Variants in CWF19L2 observed in about 807,000 individuals in gnomAD.
The protein encoded by CWF19L2 is CWF19 like cell cycle control factor 2.
CWF19L2 carries 98 observed loss-of-function variants against 111.7 expected under a neutral mutation model. The observed-to-expected ratio is 0.88, with a 90% CI of 0.75 to 1.04. The LOEUF (loss-of-function observed/expected upper bound fraction) is 1.04. Ranked by LOEUF, CWF19L2 falls within the 50% of genes least tolerant of loss-of-function variation. The pLI, the probability that CWF19L2 is intolerant of heterozygous loss-of-function variation, is 0.00. For missense variants in CWF19L2, 1,101 were observed against 1,051.4 expected (o/e 1.05, Z -0.65); for synonymous variants, 351 against 342.9 (o/e 1.02, Z -0.26).
chr11:107,424,695 T>C (rs915249767), intron 8 of CWF19L2, among the ~76,000 whole-genome samples: 5 of 151,866 alleles, frequency 3.3e-5, no homozygotes, highest in Non-Finnish European at 7.4e-5. Context: ...TGAAATGGAA[T>C]GCTCCACACA....
intron 14 of CWF19L2, among the ~76,000 whole-genome samples, chr11:107,347,366 A>G (rs557760221): frequency 6.5e-4 from 99 of 152,208 alleles, no homozygotes; most frequent in Non-Finnish European, 1.1e-3. Context: ...AAAAGAGGTG[A>G]ATAATCAAAG....
intron 12 of CWF19L2, among the ~76,000 whole-genome samples, chr11:107,388,014 T>C (rs1355526554): frequency 1.3e-5 from 2 of 152,166 alleles, no homozygotes; most frequent in South Asian, 2.1e-4. Flanking sequence ...TTCAAGCTTG[T>C]CTCTGCTTCA....
intron 14 of CWF19L2, among the ~76,000 whole-genome samples, chr11:107,341,212 T>A (rs1289399056): frequency 6.6e-6 from 1 of 152,232 alleles, no homozygotes; most frequent in African/African-American, 2.4e-5. Context: ...TGAAGTGCCA[T>A]CTGGTGTTCC....
intron 12 of CWF19L2, among the ~76,000 whole-genome samples, chr11:107,355,833 G>A (rs1348070020): frequency 6.6e-6 from 1 of 152,146 alleles, no homozygotes; most frequent in Admixed American, 6.5e-5. Context: ...AGCACAAACA[G>A]AAAAGCAATA....
chr11:107,392,057 C>G (rs189868933), intron 11 of CWF19L2, among the ~76,000 whole-genome samples: 43 of 152,172 alleles, frequency 2.8e-4, no homozygotes, highest in African/African-American at 9.9e-4. Context: ...CCTCTCCAAC[C>G]ACCAAATTCC....
chr11:107,403,179 C>T (rs7358411), intron 10 of CWF19L2, among the ~76,000 whole-genome samples: 2 of 150,760 alleles, frequency 1.3e-5, no homozygotes, highest in Admixed American at 1.3e-4. Context: ...GATGGGTGCA[C>T]AAAATCTCAC....
chr11:107,390,349 G>A, intron 11 of CWF19L2, 138 bp from the exon 12 acceptor site: 4 of 715,410 alleles, frequency 5.6e-6, no homozygotes, highest in Non-Finnish European at 8.8e-6. Context: ...TTTATCCCTA[G>A]TCTGCCAGTT....
At chr11:107,376,100 G>T (rs373290391) in intron 12 of CWF19L2, among the ~76,000 whole-genome samples, 8 of 128,362 alleles carry the variant, frequency 6.2e-5, no homozygotes, top group Admixed American at 1.5e-4. Flanking sequence ...AATAACAGGA[G>T]CTGAAATTGT....
At chr11:107,438,821 G>A (rs1304195782) in intron 6 of CWF19L2, among the ~76,000 whole-genome samples, 1 of 152,132 alleles carries the variant, frequency 6.6e-6, no homozygotes, top group Non-Finnish European at 1.5e-5. Flanking sequence ...AAGGCAGTTA[G>A]GTCAAGGCTT....
intron 5 of CWF19L2, 117 bp downstream of exon 5, chr11:107,441,386 A>G (rs1373410208): frequency 4.6e-6 from 4 of 869,458 alleles, no homozygotes; most frequent in Middle Eastern, 3.6e-4. Context: ...CACTAATTGT[A>G]TTAAATACTA....
rs12285525 is a variant in CWF19L2 at position 107,340,322 on chromosome 11, G to A, written c.2203-3609C>T. ...ACTTTACACTGGAGGGCTGTGTGCC[G>A]TTTTGAGTTAATATTTATATAAGGT... On this transcript the variant is annotated intron_variant, in intron 14 of 17. Transcript: ENST00000282251. 4.5e-3 allele frequency among the ~76,000 whole-genome samples: 680 copies of A among 152,178 alleles called. 2 individuals are homozygous for A. Among genetic ancestry groups the A allele is most frequent in the African/African-American group, 0.014 (595 of 41,524 alleles).
intron 14 of CWF19L2, among the ~76,000 whole-genome samples, chr11:107,341,183 T>G (rs1860000166): frequency 6.6e-6 from 1 of 152,238 alleles, no homozygotes; most frequent in African/African-American, 2.4e-5. Flanking sequence ...CTGTTCAAAC[T>G]GGACCCTAAG....
At chr11:107,402,808 C>T (rs1263296) in intron 10 of CWF19L2, among the ~76,000 whole-genome samples, 101,543 of 143,284 alleles carry the variant, frequency 0.71, 36,598 homozygotes, top group Non-Finnish European at 0.77. Context: ...CAATTCACAA[C>T]TGCAAAATCA....
At position 107,372,931 on chromosome 11, in the gene CWF19L2, G is replaced by A. The variant is rs570935527; in HGVS notation, c.1872+17143C>T. Among the ~76,000 whole-genome samples the A allele has an allele frequency of 4.0e-4, 49 of 122,350 alleles. 7 individuals are homozygous for A. Among genetic ancestry groups the A allele is most frequent in the East Asian group, 9.8e-4 (4 of 4,062 alleles). 80.3% of individuals were successfully genotyped at this position (122,350 alleles called of 152,430 possible). A position where few individuals can be genotyped will look rare whatever the true frequency, so the allele number is the denominator to read the frequency against. ...TGGGTGCGCGCACCATGCGTGAGCC[G>A]AAGCAGGGCAAGGCATTGCCTCACT... On this transcript the variant is annotated intron_variant, in intron 12 of 17. Transcript: ENST00000282251.
intron 3 of CWF19L2, among the ~76,000 whole-genome samples, chr11:107,450,716 A>T (rs891687444): frequency 6.6e-6 from 1 of 152,140 alleles, no homozygotes; most frequent in African/African-American, 2.4e-5. Flanking sequence ...AAAAAAGAAA[A>T]CTGAAGAGGC....
chr11:107,343,089 G>A (rs1374803249), intron 14 of CWF19L2, among the ~76,000 whole-genome samples: 1 of 152,150 alleles, frequency 6.6e-6, no homozygotes, highest in Non-Finnish European at 1.5e-5. Flanking sequence ...CAGTTTTAAG[G>A]CACCATCTCT....
chr11:107,338,773 T>C (rs547217793), intron 14 of CWF19L2, among the ~76,000 whole-genome samples: 18 of 152,356 alleles, frequency 1.2e-4, no homozygotes, highest in Admixed American at 5.2e-4. Context: ...GGCTGCATAG[T>C]ATTGCATGGT....
chr11:107,407,335 T>C (rs1861093585), intron 10 of CWF19L2, among the ~76,000 whole-genome samples: 1 of 152,030 alleles, frequency 6.6e-6, no homozygotes. Context: ...CTTAAAATGT[T>C]TTCCCTTTAA....
chr11:107,348,753 A>G (rs1167308082), intron 14 of CWF19L2, 184 bp downstream of exon 14: 1 of 366,726 alleles, frequency 2.7e-6, no homozygotes, highest in African/African-American at 2.1e-5. Context: ...AATCTGGAGT[A>G]CACAAGGGAA....
Sources: allele counts gnomAD v4.1 joint callset (sites outside exome capture counted in the v4.1 genomes callset), GRCh38; gene constraint gnomAD v4.1.1; transcripts MANE v1.5; gene names NCBI Gene and HGNC (gene_info 2026-07-23, HGNC 2026-07-21).